The following PTPN6 variants were observed in gnomAD, a reference collection of about 807,000 sequenced individuals.
PTPN6 encodes the protein tyrosine-protein phosphatase non-receptor type 6.
Under a neutral mutation model 81.5 loss-of-function variants are expected in PTPN6, and 18 were observed. The ratio of observed to expected loss-of-function variants is 0.22; its 90% CI spans 0.15 to 0.33. The LOEUF (loss-of-function observed/expected upper bound fraction) is 0.33, where lower values mean the gene tolerates loss of function less well. Ranked by LOEUF, PTPN6 falls within the 10% of genes least tolerant of loss-of-function variation. The probability of loss-of-function intolerance (pLI) is 1.00; values close to 1 mark genes in which losing one functional copy is unlikely to be tolerated. For synonymous variants in PTPN6, 301 were observed against 310.9 expected, an observed-to-expected ratio of 0.97 and a Z score of 0.33; for missense variants, 500 against 794.2, an observed-to-expected ratio of 0.63 and a Z score of 4.45.
upstream of PTPN6, among the ~76,000 whole-genome samples, chr12:6,947,037 C>G (rs1402636388): frequency 2.6e-5 from 4 of 152,182 alleles, no homozygotes; most frequent in East Asian, 7.7e-4. Flanking sequence ...GGACCTGTCC[C>G]CCTGGGTAGC....
rs1268222170 is a variant in PTPN6, at chr12:6,960,724, G to A, written c.1674-82G>A. ...ACCTGTGAGACGGGGTGGCCAGAGGGGACTGCCAGTGCCGGGTCCCCCTGT... is the reference window on the plus strand; with the variant it reads ...ACCTGTGAGACGGGGTGGCCAGAGGAGACTGCCAGTGCCGGGTCCCCCTGT... On this transcript the variant is annotated intron_variant, in intron 14 of 15. Coordinates refer to ENST00000318974, the MANE Select transcript of PTPN6 (RefSeq NM_002831.6). This position sits in a 1 kb window ranked among gnomAD's most constrained non-coding sequence, Gnocchi z 6.1. 4 of 1,551,468 alleles carry A rather than the reference G, an allele frequency of 2.6e-6. No individual in the cohort carries two copies. Among genetic ancestry groups the A allele is most frequent in the Non-Finnish European group, 3.5e-6 (4 of 1,147,000 alleles).
In PTPN6 at chr12:6,956,135, C is replaced by T. The variant is rs1442500210; in HGVS notation, c.845-7C>T. 1.2e-6 allele frequency: 2 copies of T among 1,614,062 alleles called. No homozygotes were observed. The highest frequency in any genetic ancestry group is 1.7e-6 in the Non-Finnish European group (2 of 1,180,022). On this transcript the variant is annotated splice_polypyrimidine_tract_variant and splice_region_variant and intron_variant, in intron 7 of 15. Transcript: ENST00000318974. This position sits in a 1 kb window ranked among gnomAD's most constrained non-coding sequence, Gnocchi z 4.1. ...GACCATCTCGCCTCCTCTCCGCCCA[C>T]TCCCAGTTGACCACAGCCGAGTGAT...
Position 6,959,619 on chromosome 12 carries a change from G to A in PTPN6, c.1362-308G>A, listed in dbSNP as rs1447556947. 1.8e-6 allele frequency: 1 copy of A among 546,628 alleles called. No homozygotes were observed. Among genetic ancestry groups the A allele is most frequent in the African/African-American group, 1.9e-5 (1 of 52,730 alleles). The allele number at this position is 546,628 out of a possible 1,614,324, so 33.9% of individuals were successfully genotyped here. ...GGCAGGACAGTGGTGGGATTTGGGG[G>A]TCCCAGGTCTTCCGGGGTGGGGGCA... On this transcript the variant is annotated intron_variant, in intron 11 of 15. Coordinates refer to ENST00000318974, the MANE Select transcript of PTPN6 (RefSeq NM_002831.6). The surrounding 1 kb of genome is among the most constrained non-coding windows in gnomAD (Gnocchi z 6.6).
In PTPN6 at chr12:6,957,105, C is replaced by T. The variant is rs1332145703; in HGVS notation, c.1074+537C>T. ...CTCACCGCCCCCAGCAGCCCCAGCT[C>T]TTTCAGGTTCCCAGCCTTTCTTTGC... On this transcript the variant is annotated intron_variant, in intron 9 of 15. Transcript: ENST00000318974. This position sits in a 1 kb window ranked among gnomAD's most constrained non-coding sequence, Gnocchi z 6.5. Among the ~76,000 whole-genome samples the T allele has an allele frequency of 6.6e-6, 1 of 152,260 alleles. No homozygotes were observed. The highest frequency in any genetic ancestry group is 2.4e-5 in the African/African-American group (1 of 41,472).
At position 6,955,464 on chromosome 12, in the gene PTPN6, T is replaced by G. The variant is rs1555148486; in HGVS notation, c.726T>G (p.Ala242=). ...KKQESEDTAK[A]GFWEEFESLQ... is the part of the protein sequence containing the mutation. ...AGGAGTCCGAGGATACAGCCAAGGC[T>G]GGCTTCTGGGAGGAGTTTGAGGTGC... The change falls in exon 6 of 16, where the codon GCT becomes GCG. Residue 242 remains alanine (A), a synonymous_variant. Coordinates refer to ENST00000318974, the MANE Select transcript of PTPN6 (RefSeq NM_002831.6). This position sits in a 1 kb window ranked among gnomAD's most constrained non-coding sequence, Gnocchi z 7.2. The G allele has an allele frequency of 6.2e-7, 1 of 1,613,996 alleles. No individual in the cohort carries two copies. The highest frequency in any genetic ancestry group is 8.5e-7 in the Non-Finnish European group (1 of 1,180,022).
upstream of PTPN6, chr12:6,951,116 G>T: frequency 1.4e-6 from 1 of 738,848 alleles, no homozygotes; most frequent in Non-Finnish European, 1.9e-6. The surrounding 1 kb of genome is among the most constrained non-coding windows in gnomAD (Gnocchi z 7.2). Context: ...GTATTATCTG[G>T]GCCTGGAGTG....
rs782761838 is a variant in PTPN6, at chr12:6,960,599, C to G, written c.1673+164C>G. Reference sequence around the variant, plus strand: ...CATAAGCATTTCCTGAGTGCCCACACGTGTGGGCCTCTGCTAGGTACCAGC... The same window carrying G: ...CATAAGCATTTCCTGAGTGCCCACAGGTGTGGGCCTCTGCTAGGTACCAGC... On this transcript the variant is annotated intron_variant, in intron 14 of 15. Coordinates refer to ENST00000318974, the MANE Select transcript of PTPN6 (RefSeq NM_002831.6). This position sits in a 1 kb window ranked among gnomAD's most constrained non-coding sequence, Gnocchi z 6.1. The G allele has an allele frequency of 6.8e-7, 1 of 1,472,506 alleles. No individual in the cohort carries two copies. The highest frequency in any genetic ancestry group is 9.3e-7 in the Non-Finnish European group (1 of 1,076,614). 91.2% of individuals were successfully genotyped at this position (1,472,506 alleles called of 1,614,324 possible). A position where few individuals can be genotyped will look rare whatever the true frequency, so the allele number is the denominator to read the frequency against.
At position 6,956,182 on chromosome 12, in the gene PTPN6, C is replaced by T. The variant is rs1555148642; in HGVS notation, c.885C>T (p.Asn295=). 1 of 1,614,204 alleles carries T rather than the reference C, an allele frequency of 6.2e-7. No homozygotes were observed. Among genetic ancestry groups the T allele is most frequent in the Admixed American group, 1.7e-5 (1 of 60,030 alleles). The change falls in exon 8 of 16, where the codon AAC becomes AAT. Residue 295 remains asparagine, a synonymous_variant. Transcript: ENST00000318974. The surrounding 1 kb of genome is among the most constrained non-coding windows in gnomAD (Gnocchi z 4.1). The part of the protein sequence containing the change: ...SRVILQGRDS[N]IPGSDYINAN... The stretch of plus-strand genomic sequence containing the variant: ...TGATCCTGCAGGGACGGGACAGTAA[C>T]ATCCCCGGGTCCGACTACATCAATG...
chr12:6,954,961 G>A lies in PTPN6; in HGVS notation c.483G>A (p.Pro161=), dbSNP rs375220948. The stretch of plus-strand genomic sequence containing the variant: ...AGCCCAAGGCTGGCCCAGGCTCCCC[G>A]CTCAGGGTCACCCACATCAAGGTCA... ...SDQPKAGPGS[P]LRVTHIKVMC... Residue 161 remains proline, a synonymous_variant, in exon 4 of 16, where the codon CCG becomes CCA. Transcript: ENST00000318974. The surrounding 1 kb of genome is among the most constrained non-coding windows in gnomAD (Gnocchi z 5.4). The A allele has an allele frequency of 2.0e-5, 32 of 1,613,966 alleles. No homozygotes were observed. In the African/African-American group the frequency reaches 3.3e-4, roughly 17 times the overall value.
At position 6,955,882 on chromosome 12, in the gene PTPN6, C is replaced by A; in HGVS notation, c.844+126C>A. ...CTCCCCACACCCCCCACAGAGCCTCCCCCTTCTCCAAAAGGCCTCTACTCC... is the reference window on the plus strand; with the variant it reads ...CTCCCCACACCCCCCACAGAGCCTCACCCTTCTCCAAAAGGCCTCTACTCC... On this transcript the variant is annotated intron_variant, in intron 7 of 15. Transcript: ENST00000318974. This position sits in a 1 kb window ranked among gnomAD's most constrained non-coding sequence, Gnocchi z 7.2. The A allele has an allele frequency of 1.0e-6, 1 of 960,110 alleles. No individual in the cohort carries two copies. The highest frequency in any genetic ancestry group is 1.4e-5 in the South Asian group (1 of 72,964). The allele number at this position is 960,110 out of a possible 1,614,324, so 59.5% of individuals were successfully genotyped here. A position where few individuals can be genotyped will look rare whatever the true frequency, so the allele number is the denominator to read the frequency against.
At chr12:6,958,930 C>T (rs1302719084) in intron 11 of PTPN6, among the ~76,000 whole-genome samples, 1 of 152,204 alleles carries the variant, frequency 6.6e-6, no homozygotes, top group Non-Finnish European at 1.5e-5. Context: ...TTCCGTCAGC[C>T]CTCAAAAACT....
At position 6,957,892 on chromosome 12, in the gene PTPN6, G is replaced by C; in HGVS notation, c.1207-27G>C. The stretch of plus-strand genomic sequence containing the variant: ...GATGAGGTGTTCCGAGAGAGGAGGG[G>C]GCACTGACCCTATGTCCTCGGCTTA... On this transcript the variant is annotated intron_variant, in intron 10 of 15. Transcript: ENST00000318974. This position sits in a 1 kb window ranked among gnomAD's most constrained non-coding sequence, Gnocchi z 6.5. 6.2e-7 allele frequency: 1 copy of C among 1,614,012 alleles called. No individual in the cohort carries two copies. The highest frequency in any genetic ancestry group is 8.5e-7 in the Non-Finnish European group (1 of 1,180,024).
rs3782737 is a variant in PTPN6, at chr12:6,954,519, C to T, written c.327-286C>T. 9.0e-4 allele frequency among the ~76,000 whole-genome samples: 137 copies of T among 152,354 alleles called. 6 individuals are homozygous for T. In the East Asian group the frequency reaches 0.023, roughly 25 times the overall value. The stretch of plus-strand genomic sequence containing the variant: ...CTGTAACCGCGCCACTGCACTCCAG[C>T]CTGGGCAACAGAGCTCTGGAAGCTT... On this transcript the variant is annotated intron_variant, in intron 3 of 15. Transcript: ENST00000318974. The surrounding 1 kb of genome is among the most constrained non-coding windows in gnomAD (Gnocchi z 5.4).
In PTPN6 at chr12:6,955,897, G is replaced by A. The variant is rs1277510153; in HGVS notation, c.844+141G>A. 1.1e-6 allele frequency: 1 copy of A among 889,268 alleles called. No individual in the cohort carries two copies. The highest frequency in any genetic ancestry group is 1.8e-6 in the Non-Finnish European group (1 of 551,260). 55.1% of individuals were successfully genotyped at this position (889,268 alleles called of 1,614,324 possible). On this transcript the variant is annotated intron_variant, in intron 7 of 15. Coordinates refer to ENST00000318974, the MANE Select transcript of PTPN6 (RefSeq NM_002831.6). The surrounding 1 kb of genome is among the most constrained non-coding windows in gnomAD (Gnocchi z 7.2). ...ACAGAGCCTCCCCCTTCTCCAAAAG[G>A]CCTCTACTCCTCCCAGAAGTGCCTC...
At position 6,951,740 on chromosome 12, in the gene PTPN6, G is replaced by GC. The variant is rs782322631; in HGVS notation, c.131+15dup. 3 of 1,610,662 alleles carry GC rather than the reference G, an allele frequency of 1.9e-6. No individual in the cohort carries two copies. On this transcript the variant is annotated intron_variant, in intron 2 of 15. Coordinates refer to ENST00000318974, the MANE Select transcript of PTPN6 (RefSeq NM_002831.6). The surrounding 1 kb of genome is among the most constrained non-coding windows in gnomAD (Gnocchi z 7.2). ...TTCTCGCTCTCCGTCAGGTAGGTGG[G>GC]CCCCCCGCAACCCCGGGCATTTTGG...
At chr12:6,949,041 C>G (rs1555147296), upstream of PTPN6, among the ~76,000 whole-genome samples, 4 of 152,088 alleles carry the variant, frequency 2.6e-5, no homozygotes, top group African/African-American at 9.7e-5. Flanking sequence ...CTGATTCTTG[C>G]TTCTCACACT....
At position 6,957,998 on chromosome 12, in the gene PTPN6, T is replaced by C; in HGVS notation, c.1286T>C (p.Val429Ala). 6.2e-7 allele frequency: 1 copy of C among 1,613,610 alleles called. No homozygotes were observed. Among genetic ancestry groups the C allele is most frequent in the Non-Finnish European group, 8.5e-7 (1 of 1,180,012 alleles). ...GGGGTCCCCAGTGAGCCTGGGGGTGTCCTCAGCTTCCTGGACCAGATCAAC... is the reference window on the plus strand; with the variant it reads ...GGGGTCCCCAGTGAGCCTGGGGGTGCCCTCAGCTTCCTGGACCAGATCAAC... ...DHGVPSEPGG[V>A]LSFLDQINQR... The change falls in exon 11 of 16, where the codon GTC becomes GCC. Residue 429 changes from valine (V) to alanine (A), a missense_variant. Val to Ala is a moderately conservative substitution (Grantham distance 64). This residue lies in a region of PTPN6 where 226 missense variants were observed against 364.4 expected (regional missense o/e 0.62). Transcript: ENST00000318974. This position sits in a 1 kb window ranked among gnomAD's most constrained non-coding sequence, Gnocchi z 6.5.
In PTPN6 at chr12:6,960,609, T is replaced by C; in HGVS notation, c.1673+174T>C. 6.7e-7 allele frequency: 1 copy of C among 1,483,654 alleles called. No individual in the cohort carries two copies. Among genetic ancestry groups the C allele is most frequent in the Non-Finnish European group, 9.2e-7 (1 of 1,086,356 alleles). 91.9% of individuals were successfully genotyped at this position (1,483,654 alleles called of 1,614,324 possible). A position where few individuals can be genotyped will look rare whatever the true frequency, so the allele number is the denominator to read the frequency against. On this transcript the variant is annotated intron_variant, in intron 14 of 15. Transcript: ENST00000318974. This position sits in a 1 kb window ranked among gnomAD's most constrained non-coding sequence, Gnocchi z 6.1. The stretch of plus-strand genomic sequence containing the variant: ...TCCTGAGTGCCCACACGTGTGGGCC[T>C]CTGCTAGGTACCAGCAGCGCACTCG...
Position 6,961,154 on chromosome 12 carries a change from C to A in PTPN6, c.*54C>A. 1 of 734,908 alleles carries A rather than the reference C, an allele frequency of 1.4e-6. No individual in the cohort carries two copies. Among genetic ancestry groups the A allele is most frequent in the Non-Finnish European group, 2.1e-6 (1 of 465,164 alleles). 45.5% of individuals were successfully genotyped at this position (734,908 alleles called of 1,614,324 possible). A position where few individuals can be genotyped will look rare whatever the true frequency, so the allele number is the denominator to read the frequency against. Reference sequence around the variant, plus strand: ...CAGCCCTGACCCTGTGGAAGCATTTCGCGATGGACAGACTCACAACCTGAA... The same window carrying A: ...CAGCCCTGACCCTGTGGAAGCATTTAGCGATGGACAGACTCACAACCTGAA... On this transcript the variant is annotated 3_prime_UTR_variant, in exon 16 of 16. Transcript: ENST00000318974.
Sources: gnomAD v4.1 joint callset for allele counts (sites outside exome capture counted in the v4.1 genomes callset) on GRCh38, gnomAD v4.1.1 for gene constraint, gnomAD v4.1.1 regional missense constraint, Gnocchi (gnomAD v3.1) non-coding constraint, MANE v1.5 for transcripts, NCBI Gene and HGNC (gene_info 2026-07-23, HGNC 2026-07-21) for gene names.